KLHL24: variants seen among roughly 807,000 people sequenced by gnomAD.
The protein encoded by KLHL24 is kelch-like protein 24.
Under a neutral mutation model 53.4 loss-of-function variants are expected in KLHL24, and 29 were observed. That is an observed-to-expected ratio of 0.54 (90% confidence interval 0.40 to 0.74). KLHL24 has a LOEUF of 0.74. KLHL24 is among the 30% of genes least tolerant of loss of function. The pLI, the probability that KLHL24 is intolerant of heterozygous loss-of-function variation, is 0.00. For synonymous variants in KLHL24, 222 were observed against 253.7 expected (o/e 0.88, Z 1.19); for missense variants, 504 against 744.0 (o/e 0.68, Z 3.75).
At chr3:183,653,568 T>G (rs1205227187) in intron 3 of KLHL24, among the ~76,000 whole-genome samples, 1 of 152,130 alleles carries the variant, frequency 6.6e-6, no homozygotes, top group Non-Finnish European at 1.5e-5. Context: ...CTGTGACAGG[T>G]TTTTGCAATT....
intron 5 of KLHL24, among the ~76,000 whole-genome samples, chr3:183,667,515 C>T (rs541633668): frequency 3.3e-5 from 5 of 152,062 alleles, no homozygotes; most frequent in Admixed American, 6.6e-5. Flanking sequence ...TGAGGGATAT[C>T]TAGGTTGTGG....
chr3:183,657,478 A>G (rs1194814089), intron 3 of KLHL24, among the ~76,000 whole-genome samples: 1 of 152,254 alleles, frequency 6.6e-6, no homozygotes, highest in Non-Finnish European at 1.5e-5. Flanking sequence ...AATGAGGGCA[A>G]GCCTCAAGTT....
chr3:183,672,872 G>A (rs1252275842), intron 7 of KLHL24: 4 of 153,154 alleles, frequency 2.6e-5, no homozygotes, highest in South Asian at 2.0e-4. Flanking sequence ...CGCATTGCCT[G>A]TAATCCCAGC....
intron 5 of KLHL24, among the ~76,000 whole-genome samples, chr3:183,668,629 G>T (rs1320053538): frequency 2.0e-5 from 3 of 152,278 alleles, no homozygotes. Context: ...AAAAATTACC[G>T]GGTGCGGTGG....
intron 2 of KLHL24, chr3:183,644,115 A>ACTGCAACCTCCGCCTCC (rs1455471569): frequency 7.7e-6 from 1 of 130,008 alleles, no homozygotes; most frequent in East Asian, 2.2e-4. Context: ...ATCTCGGCTC[A>ACTGCAACCTCCGCCTCC]CTGCAACCTC....
At chr3:183,679,063 T>C (rs1285994879) in intron 7 of KLHL24, 23 bp from the exon 8 acceptor site, 1 of 1,574,730 alleles carries the variant, frequency 6.4e-7, no homozygotes, top group African/African-American at 1.4e-5. Context: ...GTTAATTTTT[T>C]GTTTATATAT....
chr3:183,661,351 T>A (rs1020044038), intron 3 of KLHL24, among the ~76,000 whole-genome samples: 1 of 152,206 alleles, frequency 6.6e-6, no homozygotes, highest in Admixed American at 6.5e-5. Flanking sequence ...TCATCTTTCC[T>A]GCCATTTTGT....
chr3:183,681,729 A>G lies in KLHL24; in HGVS notation c.*2443A>G, dbSNP rs1712694917. 1 of 152,424 alleles carries G rather than the reference A, an allele frequency of 6.6e-6. No individual in the cohort carries two copies. Among genetic ancestry groups the G allele is most frequent in the African/African-American group, 2.4e-5 (1 of 41,444 alleles). 9.4% of individuals were successfully genotyped at this position (152,424 alleles called of 1,614,324 possible). On this transcript the variant is annotated 3_prime_UTR_variant, in exon 8 of 8. Coordinates refer to ENST00000242810, the MANE Select transcript of KLHL24 (RefSeq NM_017644.3). ...TTATCTTCCTTTACTAATTCTTGAT[A>G]AATAATAGCATTAGACTTGATAAAA... is the stretch of plus-strand genomic sequence containing the variant.
intron 2 of KLHL24, among the ~76,000 whole-genome samples, chr3:183,647,964 G>A (rs964418319): frequency 6.6e-6 from 1 of 152,050 alleles, no homozygotes; most frequent in Non-Finnish European, 1.5e-5. Flanking sequence ...CGAGGTCATG[G>A]CACTGTACTC....
rs989650868 is a variant in KLHL24, at chr3:183,680,724, G to A, written c.*1438G>A. 1 of 152,130 alleles carries A rather than the reference G, an allele frequency of 6.6e-6. No homozygotes were observed. Among genetic ancestry groups the A allele is most frequent in the African/African-American group, 2.4e-5 (1 of 41,450 alleles). 9.4% of individuals were successfully genotyped at this position (152,130 alleles called of 1,614,324 possible). ...ATAAATGGATATGGCAGGAACTACA[G>A]CATAAGTGATTATTGTGATTCTGGG... On this transcript the variant is annotated 3_prime_UTR_variant, in exon 8 of 8. Transcript: ENST00000242810.
chr3:183,659,285 C>A (rs1022879151), intron 3 of KLHL24, among the ~76,000 whole-genome samples: 1 of 152,060 alleles, frequency 6.6e-6, no homozygotes, highest in African/African-American at 2.4e-5. Context: ...ACCTGTAATC[C>A]CAGCAATTTG....
intron 3 of KLHL24, among the ~76,000 whole-genome samples, chr3:183,653,708 GAA>G (rs1272051270): frequency 6.6e-6 from 1 of 152,188 alleles, no homozygotes; most frequent in Non-Finnish European, 1.5e-5. Context: ...TATGGGGAGA[GAA>G]TTTTAGGGGG....
intron 1 of KLHL24, among the ~76,000 whole-genome samples, chr3:183,640,579 T>TATTTTC (rs1256639332): frequency 7.7e-6 from 1 of 130,072 alleles, no homozygotes; most frequent in African/African-American, 3.7e-5. Flanking sequence ...TACCTTTTCT[T>TATTTTC]TTTTTTCTTT....
Position 183,650,875 on chromosome 3 carries a change from C to G in KLHL24, c.519C>G (p.Arg173=), listed in dbSNP as rs374283494. 1 of 1,614,138 alleles carries G rather than the reference C, an allele frequency of 6.2e-7. No homozygotes were observed. Among genetic ancestry groups the G allele is most frequent in the Admixed American group, 1.7e-5 (1 of 60,008 alleles). ...CTTGTAATTGCTTAGGAATCCAGCG[C>G]TTTGCTGATACCCATTCACTCAAAA... is the stretch of plus-strand genomic sequence containing the variant. The part of the protein sequence containing the change: ...LDPCNCLGIQ[R]FADTHSLKTL... The change falls in exon 3 of 8, where the codon CGC becomes CGG. Residue 173 remains arginine, a synonymous_variant. Transcript: ENST00000242810. This position sits in a 1 kb window ranked among gnomAD's most constrained non-coding sequence, Gnocchi z 4.5.
intron 7 of KLHL24, among the ~76,000 whole-genome samples, chr3:183,676,539 T>G (rs1338212019): frequency 1.3e-5 from 2 of 152,240 alleles, no homozygotes; most frequent in Non-Finnish European, 2.9e-5. Flanking sequence ...TTAAAATGCT[T>G]AGAATATTAA....
intron 3 of KLHL24, among the ~76,000 whole-genome samples, chr3:183,655,221 A>G (rs1262597648): frequency 6.6e-6 from 1 of 152,242 alleles, no homozygotes; most frequent in Non-Finnish European, 1.5e-5. Context: ...GAAAGAGGAC[A>G]TAGGCCAATT....
intron 1 of KLHL24, among the ~76,000 whole-genome samples, chr3:183,639,732 G>A (rs1386165962): frequency 1.3e-5 from 2 of 151,756 alleles, no homozygotes; most frequent in South Asian, 2.1e-4. Context: ...CGGGCTGGGC[G>A]TGGTGACTCA....
At chr3:183,668,560 G>A (rs1346294406) in intron 5 of KLHL24, among the ~76,000 whole-genome samples, 3 of 152,120 alleles carry the variant, frequency 2.0e-5, no homozygotes, top group East Asian at 1.9e-4. Flanking sequence ...AATCTTAGGG[G>A]AGCACTCCCC....
At chr3:183,645,375 G>A (rs1195225965) in intron 2 of KLHL24, among the ~76,000 whole-genome samples, 1 of 152,186 alleles carries the variant, frequency 6.6e-6, no homozygotes, top group South Asian at 2.1e-4. Flanking sequence ...ATATTTGATA[G>A]ATACGCTACT....
Sources: gnomAD v4.1 joint callset for allele counts (sites outside exome capture counted in the v4.1 genomes callset) on GRCh38, gnomAD v4.1.1 for gene constraint, Gnocchi (gnomAD v3.1) non-coding constraint, MANE v1.5 for transcripts, NCBI Gene and HGNC (gene_info 2026-07-23, HGNC 2026-07-21) for gene names.